MSRA: variants seen among roughly 807,000 people sequenced by gnomAD.
MSRA encodes the protein methionine sulfoxide reductase A, also known as mitochondrial peptide methionine sulfoxide reductase.
In MSRA, 54 loss-of-function variants were observed where a neutral mutation model predicts 31.3. That is an observed-to-expected ratio of 1.73 (90% CI 1.39 to 2.17). The LOEUF (loss-of-function observed/expected upper bound fraction) is 2.17, where lower values mean the gene tolerates loss of function less well. Among genes scored for constraint, MSRA ranks in the 30% most tolerant of loss-of-function variants. The probability of loss-of-function intolerance (pLI) is 0.00; values close to 1 mark genes in which losing one functional copy is unlikely to be tolerated. For missense variants in MSRA, 507 were observed against 300.9 expected, an observed-to-expected ratio of 1.69 and a Z score of -5.07; for synonymous variants, 169 against 116.5, an observed-to-expected ratio of 1.45 and a Z score of -2.90.
intron 5 of MSRA, among the ~76,000 whole-genome samples, chr8:10,425,897 C>T (rs1241699483): frequency 1.3e-5 from 2 of 152,224 alleles, no homozygotes; most frequent in Non-Finnish European, 2.9e-5. Flanking sequence ...CTCAGTTCTC[C>T]GAACTTGCCT....
chr8:10,350,705 G>A (rs75028062), intron 5 of MSRA, among the ~76,000 whole-genome samples: 3 of 152,330 alleles, frequency 2.0e-5, no homozygotes, highest in Admixed American at 6.5e-5. Flanking sequence ...CCTGGGCACC[G>A]TGGCTCCTTG....
chr8:10,060,677 C>T lies in MSRA; in HGVS notation c.142+6019C>T, dbSNP rs138007553. Among the ~76,000 whole-genome samples, 150 of 150,184 alleles carry T rather than the reference C, an allele frequency of 1.0e-3. 1 individual carries two copies. Among genetic ancestry groups the T allele is most frequent in the African/African-American group, 3.3e-3 (136 of 40,846 alleles). On this transcript the variant is annotated intron_variant, in intron 1 of 5. Transcript: ENST00000317173. ...CAATTTTGCTCTTTCTTGTCAAGTACATCTTTTTTCTGCAACTTGCTTTTG... is the reference window on the plus strand; with the variant it reads ...CAATTTTGCTCTTTCTTGTCAAGTATATCTTTTTTCTGCAACTTGCTTTTG...
Position 10,282,616 on chromosome 8 carries a change from G to A in MSRA, c.332-18918G>A, listed in dbSNP as rs572560415. 1.6e-4 allele frequency among the ~76,000 whole-genome samples: 24 copies of A among 152,220 alleles called. No homozygotes were observed. The South Asian group carries it at 2.3e-3, about 14-fold the overall frequency. Reference sequence around the variant, plus strand: ...GATGCAAAGATACCATTACCTTCTCGTCTGTTCTCTGATCAGTGAGTGGTG... The same window carrying A: ...GATGCAAAGATACCATTACCTTCTCATCTGTTCTCTGATCAGTGAGTGGTG... On this transcript the variant is annotated intron_variant, in intron 3 of 5. Coordinates refer to ENST00000317173, the MANE Select transcript of MSRA (RefSeq NM_012331.5).
intron 5 of MSRA, among the ~76,000 whole-genome samples, chr8:10,421,099 C>A (rs560082201): frequency 1.3e-5 from 2 of 152,138 alleles, no homozygotes; most frequent in African/African-American, 4.8e-5. Flanking sequence ...GTCTGACTCA[C>A]ATACAGGCTG....
intron 5 of MSRA, among the ~76,000 whole-genome samples, chr8:10,390,394 C>G (rs1806666575): frequency 6.6e-6 from 1 of 152,168 alleles, no homozygotes; most frequent in African/African-American, 2.4e-5. Context: ...TTGAGAACCA[C>G]TGACCTAGGC....
chr8:10,375,031 C>A (rs2129171784), intron 5 of MSRA, among the ~76,000 whole-genome samples: 2 of 152,324 alleles, frequency 1.3e-5, no homozygotes, highest in East Asian at 3.9e-4. Context: ...GAGGCATCAC[C>A]AGAAGCCAAA....
chr8:10,235,288 C>T (rs1811851065), intron 2 of MSRA, among the ~76,000 whole-genome samples: 1 of 151,756 alleles, frequency 6.6e-6, no homozygotes, highest in African/African-American at 2.4e-5. Flanking sequence ...TGTTTGAAAG[C>T]AAAAATGTAT....
intron 1 of MSRA, among the ~76,000 whole-genome samples, chr8:10,080,131 A>C (rs1798217401): frequency 6.6e-6 from 1 of 152,114 alleles, no homozygotes; most frequent in African/African-American, 2.4e-5. Context: ...CCCTTGAGGC[A>C]AAGGCAGAGA....
intron 5 of MSRA, among the ~76,000 whole-genome samples, chr8:10,352,109 A>G (rs1472972165): frequency 6.6e-6 from 1 of 152,194 alleles, no homozygotes; most frequent in African/African-American, 2.4e-5. Flanking sequence ...CTCCTGATTG[A>G]TCATTGGGCA....
chr8:10,411,082 C>T (rs1349692635), intron 5 of MSRA: 1 of 152,136 alleles, frequency 6.6e-6, no homozygotes, highest in African/African-American at 2.4e-5. Flanking sequence ...TGAGACCCCT[C>T]CATCTGACCT....
chr8:10,194,420 G>C (rs1479701637), intron 1 of MSRA, among the ~76,000 whole-genome samples: 1 of 152,116 alleles, frequency 6.6e-6, no homozygotes, highest in Non-Finnish European at 1.5e-5. Context: ...ACAAAAACTA[G>C]CCAGGTGTGG....
intron 5 of MSRA, among the ~76,000 whole-genome samples, chr8:10,368,234 A>G (rs537535375): frequency 6.6e-6 from 1 of 152,370 alleles, no homozygotes; most frequent in South Asian, 2.1e-4. Context: ...TCTGAAGCTT[A>G]AAATACTTTT....
intron 5 of MSRA, among the ~76,000 whole-genome samples, chr8:10,423,709 A>G (rs570337494): frequency 1.3e-5 from 2 of 152,232 alleles, no homozygotes; most frequent in South Asian, 4.1e-4. Flanking sequence ...CCATCTAAAG[A>G]CTGAACCTGC....
At chr8:10,120,866 G>T (rs910462917) in intron 1 of MSRA, among the ~76,000 whole-genome samples, 1 of 152,104 alleles carries the variant, frequency 6.6e-6, no homozygotes, top group South Asian at 2.1e-4. Flanking sequence ...ACCTGTACAC[G>T]TCCATGATTT....
intron 3 of MSRA, among the ~76,000 whole-genome samples, chr8:10,288,876 A>G (rs1290140002): frequency 2.0e-5 from 3 of 152,172 alleles, no homozygotes; most frequent in Non-Finnish European, 4.4e-5. Context: ...CAGAATGAAT[A>G]GGCAATTTTC....
intron 1 of MSRA, among the ~76,000 whole-genome samples, chr8:10,141,423 C>T (rs1052469953): frequency 3.9e-5 from 6 of 152,216 alleles, no homozygotes; most frequent in South Asian, 2.1e-4. Context: ...GGAAAACGCA[C>T]TCCAATGCAC....
At chr8:10,119,371 AT>A (rs1464036544) in intron 1 of MSRA, among the ~76,000 whole-genome samples, 3 of 152,180 alleles carry the variant, frequency 2.0e-5, no homozygotes, top group Non-Finnish European at 4.4e-5. Context: ...TTGGAGTCAC[AT>A]TCCTTAGCAT....
At chr8:10,329,659 C>A (rs1043774154) in intron 5 of MSRA, among the ~76,000 whole-genome samples, 5 of 152,140 alleles carry the variant, frequency 3.3e-5, no homozygotes, top group African/African-American at 1.2e-4. Context: ...CTGCCAGTGT[C>A]ATGTGTCCAC....
intron 5 of MSRA, among the ~76,000 whole-genome samples, chr8:10,341,783 A>G (rs370968273): frequency 3.3e-5 from 5 of 152,344 alleles, no homozygotes; most frequent in Admixed American, 6.5e-5. Flanking sequence ...CCGACTCGCA[A>G]TGTTCTGTCT....
Sources: gnomAD v4.1 joint callset for allele counts (sites outside exome capture counted in the v4.1 genomes callset) on GRCh38, gnomAD v4.1.1 for gene constraint, MANE v1.5 for transcripts, NCBI Gene and HGNC (gene_info 2026-07-23, HGNC 2026-07-21) for gene names.